Variants in PTPRD observed in about 807,000 individuals in gnomAD.
The protein encoded by PTPRD is receptor-type tyrosine-protein phosphatase delta.
In PTPRD, 34 loss-of-function variants were observed where a neutral mutation model predicts 214.5. The ratio of observed to expected loss-of-function variants is 0.16; its 90% CI spans 0.12 to 0.21. The LOEUF (loss-of-function observed/expected upper bound fraction) is 0.21, where lower values mean the gene tolerates loss of function less well. Ranked by LOEUF, PTPRD falls within the 10% of genes least tolerant of loss-of-function variation. PTPRD has a pLI of 1.00. For missense variants in PTPRD, 2,545 were observed against 2,398.7 expected (o/e 1.06, Z -1.27); for synonymous variants, 1,128 against 845.7 (o/e 1.33, Z -5.79).
intron 11 of PTPRD, among the ~76,000 whole-genome samples, chr9:8,967,282 C>A (rs1280452222): frequency 6.6e-6 from 1 of 152,100 alleles, no homozygotes; most frequent in Non-Finnish European, 1.5e-5. Flanking sequence ...TATGACTCAG[C>A]AATCCCATTA....
intron 2 of PTPRD, among the ~76,000 whole-genome samples, chr9:10,398,366 T>A (rs2154494473): frequency 6.6e-6 from 1 of 151,866 alleles, no homozygotes; most frequent in South Asian, 2.1e-4. Context: ...GGACTACAGA[T>A]ATGTCTATAT....
Position 9,594,671 on chromosome 9 carries a change from G to A in PTPRD, c.-286-19890C>T, listed in dbSNP as rs146012755. Among the ~76,000 whole-genome samples the A allele has an allele frequency of 8.8e-3, 1,346 of 152,156 alleles. 21 individuals carry two copies. Among genetic ancestry groups the A allele is most frequent in the African/African-American group, 0.031 (1,286 of 41,546 alleles). On this transcript the variant is annotated intron_variant, in intron 7 of 45. Coordinates refer to ENST00000381196, the MANE Select transcript of PTPRD (RefSeq NM_002839.4). ...GTACCATGCTGTTTTGGTGACTATG[G>A]CCTTATAGTATAGTTTGAAATCAGG...
intron 7 of PTPRD, among the ~76,000 whole-genome samples, chr9:9,591,112 A>T (rs2092682035): frequency 6.6e-6 from 1 of 151,948 alleles, no homozygotes; most frequent in African/African-American, 2.4e-5. Context: ...AAATAGGAGG[A>T]TTGTCTGGGT....
At chr9:8,356,052 G>C (rs1000819288) in intron 39 of PTPRD, among the ~76,000 whole-genome samples, 1 of 152,124 alleles carries the variant, frequency 6.6e-6, no homozygotes, top group African/African-American at 2.4e-5. Flanking sequence ...GCAATGTAAA[G>C]TTCAATGGAA....
intron 9 of PTPRD, among the ~76,000 whole-genome samples, chr9:9,301,725 A>G (rs1955386422): frequency 6.6e-6 from 1 of 151,898 alleles, no homozygotes; most frequent in African/African-American, 2.4e-5. Context: ...TGGCTATAAA[A>G]TTGTATTGAT....
chr9:9,950,898 C>A (rs1032915120), intron 4 of PTPRD, among the ~76,000 whole-genome samples: 7 of 152,082 alleles, frequency 4.6e-5, no homozygotes, highest in African/African-American at 1.2e-4. Flanking sequence ...CACATAATTT[C>A]TGTTCTAATT....
In PTPRD at chr9:10,612,888, G is replaced by A. The variant is rs1014204757; in HGVS notation, c.-908C>T. On this transcript the variant is annotated 5_prime_UTR_variant, in exon 1 of 46. Coordinates refer to ENST00000381196, the MANE Select transcript of PTPRD (RefSeq NM_002839.4). ...CGAGGCTCTGTCGGGGCGAGGCGCT[G>A]CCCCCACGCGCTCCGGCCGCCGGCT... is the stretch of plus-strand genomic sequence containing the variant. Among the ~76,000 whole-genome samples, 7 of 151,866 alleles carry A rather than the reference G, an allele frequency of 4.6e-5. No homozygotes were observed. Among genetic ancestry groups the A allele is most frequent in the African/African-American group, 1.7e-4 (7 of 41,406 alleles).
intron 2 of PTPRD, among the ~76,000 whole-genome samples, chr9:10,524,095 T>C (rs2053478032): frequency 6.6e-6 from 1 of 151,946 alleles, no homozygotes; most frequent in Non-Finnish European, 1.5e-5. Flanking sequence ...CACGCACAGA[T>C]TTCCCACACT....
At chr9:8,675,434 T>C (rs2097382941) in intron 12 of PTPRD, among the ~76,000 whole-genome samples, 1 of 140,378 alleles carries the variant, frequency 7.1e-6, no homozygotes, top group Admixed American at 7.8e-5. Context: ...AAAACCCCAC[T>C]CCTCCCCCTC....
In PTPRD at chr9:9,123,711, T is replaced by C. The variant is rs187874476; in HGVS notation, c.-143+59593A>G. ...AACAAAAGGGTGTAGCTTGCTTTAC[T>C]TTACATCAAATTATACGAGAAAATA... On this transcript the variant is annotated intron_variant, in intron 10 of 45. Transcript: ENST00000381196. Among the ~76,000 whole-genome samples, 139 of 152,280 alleles carry C rather than the reference T, an allele frequency of 9.1e-4. 1 individual carries two copies. Among genetic ancestry groups the C allele is most frequent in the African/African-American group, 3.3e-3 (137 of 41,560 alleles).
intron 31 of PTPRD, among the ~76,000 whole-genome samples, chr9:8,467,800 C>T (rs1023264999): frequency 3.4e-4 from 52 of 151,296 alleles, no homozygotes; most frequent in African/African-American, 1.2e-3. Flanking sequence ...AATCCGATAC[C>T]AAATATTTAA....
At chr9:9,819,210 G>A (rs1415119681) in intron 5 of PTPRD, among the ~76,000 whole-genome samples, 2 of 152,122 alleles carry the variant, frequency 1.3e-5, no homozygotes, top group Admixed American at 1.3e-4. Flanking sequence ...TCCAATGTGA[G>A]GAAGTGTCTT....
intron 42 of PTPRD, 51 bp downstream of exon 42, chr9:8,340,292 C>T (rs1373869162): frequency 1.3e-6 from 2 of 1,508,314 alleles, no homozygotes; most frequent in African/African-American, 1.4e-5. Flanking sequence ...GTCTTCATTT[C>T]TCCACAGAGT....
chr9:8,713,712 C>T (rs534511446), intron 12 of PTPRD: 107 of 1,509,890 alleles, frequency 7.1e-5, no homozygotes, highest in Non-Finnish European at 8.9e-5. Flanking sequence ...AGATCGCGGC[C>T]AGCAAGTGAC....
chr9:10,231,989 A>AGAGT (rs1245284728), intron 3 of PTPRD, among the ~76,000 whole-genome samples: 29 of 92,494 alleles, frequency 3.1e-4, no homozygotes, highest in Non-Finnish European at 5.0e-4. Context: ...AGAGAGAGAG[A>AGAGT]GTGTGTGTGT....
chr9:8,369,480 T>C (rs1303947957), intron 39 of PTPRD, among the ~76,000 whole-genome samples: 2 of 151,614 alleles, frequency 1.3e-5, no homozygotes, highest in Non-Finnish European at 2.9e-5. Flanking sequence ...TGGGCCATTT[T>C]AGTGGCCTGT....
chr9:8,536,425 A>G (rs1361528582), intron 14 of PTPRD, among the ~76,000 whole-genome samples: 2 of 151,902 alleles, frequency 1.3e-5, no homozygotes, highest in Non-Finnish European at 2.9e-5. Flanking sequence ...ACACATATAC[A>G]CACACATATA....
chr9:9,510,029 A>G (rs2096662556), intron 8 of PTPRD, among the ~76,000 whole-genome samples: 1 of 151,574 alleles, frequency 6.6e-6, no homozygotes, highest in South Asian at 2.1e-4. Flanking sequence ...TTTCCTGCTC[A>G]GTGACAAGGA....
At chr9:9,716,288 A>T (rs1444636441) in intron 7 of PTPRD, among the ~76,000 whole-genome samples, 3 of 151,778 alleles carry the variant, frequency 2.0e-5, no homozygotes, top group Non-Finnish European at 4.4e-5. Flanking sequence ...AGTCTTTGCT[A>T]TTGTGAATAG....
Sources: gnomAD v4.1 joint callset for allele counts (sites outside exome capture counted in the v4.1 genomes callset) on GRCh38, gnomAD v4.1.1 for gene constraint, MANE v1.5 for transcripts, NCBI Gene and HGNC (gene_info 2026-07-23, HGNC 2026-07-21) for gene names.